NREP: variants seen among roughly 807,000 people sequenced by gnomAD.
The protein encoded by NREP is neuronal regeneration-related protein.
A neutral mutation model predicts 8.6 loss-of-function variants in NREP; 5 were observed. The ratio of observed to expected loss-of-function variants is 0.58; its 90% CI spans 0.30 to 1.22. The LOEUF (loss-of-function observed/expected upper bound fraction) is 1.22. Among genes scored for constraint, NREP ranks in the 50% most tolerant of loss-of-function variants. NREP has a pLI of 0.07. For missense variants in NREP, 86 were observed against 82.5 expected (o/e 1.04, Z -0.17); for synonymous variants, 27 against 28.0 (o/e 0.96, Z 0.11).
rs148815338 is a variant in NREP, at chr5:111,872,784, T to C, written c.135+102490A>G. 5.4e-3 allele frequency among the ~76,000 whole-genome samples: 816 copies of C among 152,326 alleles called. 11 individuals carry two copies. Among genetic ancestry groups the C allele is most frequent in the African/African-American group, 0.019 (785 of 41,574 alleles). On this transcript the variant is annotated intron_variant, in intron 2 of 3. Coordinates refer to the NREP transcript ENST00000395634. ...TTTGTGACAGAATTTGAAGTGAGAC[T>C]TGCTTTCACTTGTATCTTGACAGCA...
chr5:111,890,880 T>A (rs74414650), intron 2 of NREP, among the ~76,000 whole-genome samples: 1 of 152,174 alleles, frequency 6.6e-6, no homozygotes, highest in Admixed American at 6.5e-5. Flanking sequence ...GCCTCTGCAA[T>A]GCCTTTGAGG....
chr5:111,730,644 A>C lies in NREP; in HGVS notation c.*277T>G. On this transcript the variant is annotated 3_prime_UTR_variant, in exon 4 of 4. Coordinates refer to ENST00000257435, the MANE Select transcript of NREP (RefSeq NM_004772.4). ...GCGCGGTGGGAGTTTGAGTTGTGGA[A>C]GACATTGTTGTAGCGAACCAGGCCT... 3.5e-6 allele frequency: 1 copy of C among 288,746 alleles called. No homozygotes were observed. Among genetic ancestry groups the C allele is most frequent in the Admixed American group, 4.9e-5 (1 of 20,474 alleles). The allele number at this position is 288,746 out of a possible 1,614,324, so 17.9% of individuals were successfully genotyped here. A position where few individuals can be genotyped will look rare whatever the true frequency, so the allele number is the denominator to read the frequency against.
intron 2 of NREP, among the ~76,000 whole-genome samples, chr5:111,868,926 A>G (rs1753727281): frequency 6.6e-6 from 1 of 152,096 alleles, no homozygotes; most frequent in Non-Finnish European, 1.5e-5. Context: ...AATTGCAAGT[A>G]TAGGTTTTTG....
At chr5:111,937,549 T>A (rs1158142483) in intron 2 of NREP, among the ~76,000 whole-genome samples, 1 of 152,020 alleles carries the variant, frequency 6.6e-6, no homozygotes. Context: ...AGCATTAACA[T>A]CCTCCCTTCT....
At chr5:111,906,654 C>T (rs564837801) in intron 2 of NREP, among the ~76,000 whole-genome samples, 7 of 152,114 alleles carry the variant, frequency 4.6e-5, no homozygotes, top group South Asian at 4.1e-4. Flanking sequence ...AAGCTTTTTC[C>T]GGGTGCCTTT....
At chr5:111,765,864 T>C (rs1008400895) in intron 2 of NREP, among the ~76,000 whole-genome samples, 1 of 152,184 alleles carries the variant, frequency 6.6e-6, no homozygotes, top group Non-Finnish European at 1.5e-5. Flanking sequence ...AGGTATGAAA[T>C]GGTTCTTCAG....
chr5:111,817,175 A>C (rs1167808950), intron 2 of NREP, among the ~76,000 whole-genome samples: 1 of 152,178 alleles, frequency 6.6e-6, no homozygotes, highest in Non-Finnish European at 1.5e-5. Context: ...GTTTATCTGT[A>C]CATTTTTTAT....
chr5:111,776,778 G>C (rs1179358512), intron 2 of NREP, among the ~76,000 whole-genome samples: 1 of 152,150 alleles, frequency 6.6e-6, no homozygotes, highest in East Asian at 1.9e-4. Context: ...ATAGAAGTTA[G>C]ACTAGAGATT....
At chr5:111,895,611 C>G (rs532065133) in intron 2 of NREP, among the ~76,000 whole-genome samples, 1 of 151,978 alleles carries the variant, frequency 6.6e-6, no homozygotes, top group Non-Finnish European at 1.5e-5. Flanking sequence ...AGGGTTAATA[C>G]CTTAACTTGG....
chr5:111,923,010 C>A (rs933593676), intron 2 of NREP, among the ~76,000 whole-genome samples: 1 of 152,164 alleles, frequency 6.6e-6, no homozygotes, highest in Admixed American at 6.5e-5. Flanking sequence ...ACTGCTACTT[C>A]TTCTGGAAGG....
intron 2 of NREP, among the ~76,000 whole-genome samples, chr5:111,885,489 T>C (rs1393184996): frequency 6.6e-6 from 1 of 152,068 alleles, no homozygotes; most frequent in Non-Finnish European, 1.5e-5. Flanking sequence ...AAAGTTCATA[T>C]GGAACCAAAA....
intron 2 of NREP, among the ~76,000 whole-genome samples, chr5:111,780,584 G>A (rs191887773): frequency 1.1e-4 from 17 of 152,278 alleles, no homozygotes; most frequent in Admixed American, 8.5e-4. Flanking sequence ...GTTTGGTGGG[G>A]AGTGTATTTC....
At chr5:111,895,714 T>C (rs1754494464) in intron 2 of NREP, among the ~76,000 whole-genome samples, 1 of 152,134 alleles carries the variant, frequency 6.6e-6, no homozygotes, top group Non-Finnish European at 1.5e-5. Context: ...TTGTAAGATA[T>C]TTAACATTAT....
intron 2 of NREP, among the ~76,000 whole-genome samples, chr5:111,889,746 G>A (rs1023236861): frequency 1.3e-5 from 2 of 152,170 alleles, no homozygotes; most frequent in African/African-American, 4.8e-5. Flanking sequence ...CAACACAGCT[G>A]TTTATTTCAC....
intron 2 of NREP, among the ~76,000 whole-genome samples, chr5:111,904,379 T>A (rs1051889237): frequency 1.3e-5 from 2 of 152,126 alleles, no homozygotes; most frequent in African/African-American, 4.8e-5. Context: ...GTTTAACTGG[T>A]CAGAAACTGT....
intron 2 of NREP, among the ~76,000 whole-genome samples, chr5:111,954,740 G>A (rs1756262084): frequency 1.3e-5 from 2 of 152,120 alleles, no homozygotes; most frequent in South Asian, 2.1e-4. Context: ...ATGCTACAGT[G>A]AGGACAGTGA....
At chr5:111,744,998 T>G (rs577788156) in intron 2 of NREP, among the ~76,000 whole-genome samples, 3 of 152,124 alleles carry the variant, frequency 2.0e-5, no homozygotes, top group Admixed American at 6.5e-5. Context: ...ACAGGAGTAG[T>G]TGGAACCCAC....
intron 2 of NREP, among the ~76,000 whole-genome samples, chr5:111,771,937 A>C (rs914387452): frequency 6.6e-6 from 1 of 152,222 alleles, no homozygotes; most frequent in African/African-American, 2.4e-5. Flanking sequence ...CTGTGATTAT[A>C]GAATGATTTT....
chr5:111,762,545 A>G (rs981486022), upstream of NREP, among the ~76,000 whole-genome samples: 1 of 151,956 alleles, frequency 6.6e-6, no homozygotes, highest in African/African-American at 2.4e-5. Context: ...TTAAAGAGAT[A>G]ATTAAGGTAA....
Sources: gnomAD v4.1 joint callset for allele counts (sites outside exome capture counted in the v4.1 genomes callset) on GRCh38, gnomAD v4.1.1 for gene constraint, MANE v1.5 for transcripts, NCBI Gene and HGNC (gene_info 2026-07-23, HGNC 2026-07-21) for gene names.